KIZ: variants seen among roughly 807,000 people sequenced by gnomAD.
The protein encoded by KIZ is kizuna centrosomal protein.
A neutral mutation model predicts 79.6 loss-of-function variants in KIZ; 68 were observed. That is an observed-to-expected ratio of 0.85 (90% CI 0.70 to 1.05). The LOEUF (loss-of-function observed/expected upper bound fraction) is 1.05, where lower values mean the gene tolerates loss of function less well. Among genes scored for constraint, KIZ ranks in the 50% least tolerant of loss-of-function variants. KIZ has a pLI of 0.00. For synonymous variants in KIZ, 280 were observed against 281.8 expected, an observed-to-expected ratio of 0.99 and a Z score of 0.06; for missense variants, 797 against 800.4, an observed-to-expected ratio of 1.00 and a Z score of 0.05.
intron 8 of KIZ, 75 bp downstream of exon 8, chr20:21,214,775 A>G (rs1189342468): frequency 1.1e-6 from 1 of 919,528 alleles, no homozygotes; most frequent in Non-Finnish European, 1.7e-6. Context: ...AGGTACACCT[A>G]TAGAATATCA....
chr20:21,244,352 G>T, intron 12 of KIZ, 64 bp downstream of exon 12: 1 of 1,189,922 alleles, frequency 8.4e-7, no homozygotes, highest in Middle Eastern at 1.9e-4. Flanking sequence ...TCTGTGACAT[G>T]CATTTGTTGT....
chr20:21,208,513 C>CT (rs1259323006), intron 7 of KIZ, among the ~76,000 whole-genome samples: 3 of 152,130 alleles, frequency 2.0e-5, no homozygotes, highest in Non-Finnish European at 4.4e-5. Flanking sequence ...ACCATCTTGG[C>CT]TAACACGGTG....
At chr20:21,242,988 A>G (rs2037270424) in intron 11 of KIZ, among the ~76,000 whole-genome samples, 1 of 152,152 alleles carries the variant, frequency 6.6e-6, no homozygotes, top group Non-Finnish European at 1.5e-5. Flanking sequence ...CACCTAGCCC[A>G]GTGTCCTCAG....
intron 11 of KIZ, 39 bp from the exon 12 acceptor site, chr20:21,244,206 T>G: frequency 6.8e-7 from 1 of 1,471,942 alleles, no homozygotes. Context: ...CTCATTGTCT[T>G]TTCTTTTTCA....
At chr20:21,127,506 C>G (rs1344313693) in intron 1 of KIZ, among the ~76,000 whole-genome samples, 3 of 152,140 alleles carry the variant, frequency 2.0e-5, no homozygotes, top group African/African-American at 7.2e-5. Flanking sequence ...ATGATTAACA[C>G]TTATTTAATT....
chr20:21,153,775 C>A (rs2033235202), intron 4 of KIZ, among the ~76,000 whole-genome samples: 1 of 152,084 alleles, frequency 6.6e-6, no homozygotes, highest in South Asian at 2.1e-4. Context: ...CCTCATGTGC[C>A]TTTTCTCTCT....
chr20:21,142,095 ACTCT>A (rs954675027), intron 3 of KIZ, among the ~76,000 whole-genome samples: 4 of 150,466 alleles, frequency 2.7e-5, no homozygotes, highest in Admixed American at 6.6e-5. Context: ...GTACACACAC[ACTCT>A]CTCTCACACA....
At chr20:21,211,838 C>T (rs969921892) in intron 7 of KIZ, among the ~76,000 whole-genome samples, 4 of 152,204 alleles carry the variant, frequency 2.6e-5, no homozygotes, top group East Asian at 3.8e-4. Flanking sequence ...CCTATAATCC[C>T]GGCACTTTGG....
chr20:21,191,628 C>T (rs978287269), intron 6 of KIZ, among the ~76,000 whole-genome samples: 30 of 152,120 alleles, frequency 2.0e-4, no homozygotes, highest in Admixed American at 1.6e-3. Context: ...CTAAAGAAAT[C>T]GTCATGGTTT....
chr20:21,156,123 C>G (rs185598725), intron 4 of KIZ, among the ~76,000 whole-genome samples: 73 of 152,268 alleles, frequency 4.8e-4, no homozygotes, highest in African/African-American at 1.5e-3. Flanking sequence ...AGAAAAGTTG[C>G]AGAGATAGTA....
intron 10 of KIZ, 98 bp downstream of exon 10, chr20:21,229,213 T>G (rs1328231942): frequency 2.9e-6 from 2 of 698,820 alleles, no homozygotes; most frequent in Non-Finnish European, 5.0e-6. Context: ...TTCTGGAGTT[T>G]GCTCTGTAAC....
At chr20:21,182,243 C>T (rs79511773) in intron 6 of KIZ, among the ~76,000 whole-genome samples, 2,092 of 152,174 alleles carry the variant, frequency 0.014, 56 homozygotes, top group African/African-American at 0.049. Flanking sequence ...TCTGTCTCGC[C>T]CCCACCGTCT....
chr20:21,192,726 A>G (rs1400628733), intron 6 of KIZ, among the ~76,000 whole-genome samples: 1 of 152,128 alleles, frequency 6.6e-6, no homozygotes, highest in Non-Finnish European at 1.5e-5. Flanking sequence ...TGGGGTATGG[A>G]TACTTTTTTA....
At chr20:21,240,914 C>T (rs1216630305) in intron 11 of KIZ, among the ~76,000 whole-genome samples, 1 of 152,206 alleles carries the variant, frequency 6.6e-6, no homozygotes, top group Non-Finnish European at 1.5e-5. Flanking sequence ...GTAGTTGCGG[C>T]AGACCATATG....
At chr20:21,153,369 G>T (rs1260585542) in intron 4 of KIZ, among the ~76,000 whole-genome samples, 1 of 152,046 alleles carries the variant, frequency 6.6e-6, no homozygotes, top group African/African-American at 2.4e-5. Context: ...AGCACTTGAT[G>T]GTGACAATTC....
chr20:21,194,860 G>A (rs1344749587), intron 6 of KIZ: 2 of 152,090 alleles, frequency 1.3e-5, no homozygotes, highest in Non-Finnish European at 2.9e-5. Flanking sequence ...GTAAAGATAA[G>A]TGTGTCATAT....
Position 21,175,438 on chromosome 20 carries a change from G to A in KIZ, c.1352+12279G>A, listed in dbSNP as rs141725768. On this transcript the variant is annotated intron_variant, in intron 6 of 12. Coordinates refer to ENST00000619189, the MANE Select transcript of KIZ (RefSeq NM_018474.6). ...GAAGTCTCCATTGGCCAACAGGAATGAACCCAGGTCTCCATCCTTTGCCAG... is the reference window on the plus strand; with the variant it reads ...GAAGTCTCCATTGGCCAACAGGAATAAACCCAGGTCTCCATCCTTTGCCAG... Among the ~76,000 whole-genome samples, 309 of 152,278 alleles carry A rather than the reference G, an allele frequency of 2.0e-3. 1 individual carries two copies. Among genetic ancestry groups the A allele is most frequent in the African/African-American group, 6.7e-3 (280 of 41,546 alleles).
intron 6 of KIZ, among the ~76,000 whole-genome samples, chr20:21,179,612 C>A (rs1250124657): frequency 6.6e-6 from 1 of 151,552 alleles, no homozygotes; most frequent in Non-Finnish European, 1.5e-5. Flanking sequence ...TATCTACTAA[C>A]TTTGTGCTTG....
At chr20:21,174,556 C>T (rs1426201129) in intron 6 of KIZ, among the ~76,000 whole-genome samples, 1 of 152,216 alleles carries the variant, frequency 6.6e-6, no homozygotes, top group East Asian at 1.9e-4. Context: ...GCAATTTGAC[C>T]TCTTACTCCG....
Sources: gnomAD v4.1 joint callset for allele counts (sites outside exome capture counted in the v4.1 genomes callset) on GRCh38, gnomAD v4.1.1 for gene constraint, MANE v1.5 for transcripts, NCBI Gene and HGNC (gene_info 2026-07-23, HGNC 2026-07-21) for gene names.